Variants in PTPRN2 observed in about 807,000 individuals in gnomAD.
PTPRN2 encodes the protein protein tyrosine phosphatase receptor type N2, also known as receptor-type tyrosine-protein phosphatase N2.
In PTPRN2, 74 loss-of-function variants were observed where a neutral mutation model predicts 118.8. The ratio of observed to expected loss-of-function variants is 0.62; its 90% CI spans 0.52 to 0.76. The LOEUF is 0.76. Ranked by LOEUF, PTPRN2 falls within the 30% of genes least tolerant of loss-of-function variation. The probability of loss-of-function intolerance (pLI) is 0.00; values close to 1 mark genes in which losing one functional copy is unlikely to be tolerated. For synonymous variants in PTPRN2, 641 were observed against 608.0 expected (o/e 1.05, Z -0.80); for missense variants, 1,481 against 1,394.4 (o/e 1.06, Z -0.99).
chr7:157,691,817 G>A (rs1797514401), intron 12 of PTPRN2, among the ~76,000 whole-genome samples: 1 of 152,154 alleles, frequency 6.6e-6, no homozygotes, highest in South Asian at 2.1e-4. Flanking sequence ...CGCAGCGGGC[G>A]AGAAGAGCTA....
intron 14 of PTPRN2, among the ~76,000 whole-genome samples, chr7:157,642,814 CAAAA>C (rs11335302): frequency 7.0e-4 from 17 of 24,216 alleles, no homozygotes; most frequent in Non-Finnish European, 1.2e-3. Context: ...CAAGAAACAG[CAAAA>C]AAAAAAAAAA....
intron 5 of PTPRN2, among the ~76,000 whole-genome samples, chr7:158,182,700 C>T (rs1382607170): frequency 6.6e-6 from 1 of 152,218 alleles, no homozygotes; most frequent in Non-Finnish European, 1.5e-5. Flanking sequence ...ATATGTACCA[C>T]ATTTTCTTCA....
rs186070489 is a variant in PTPRN2, at chr7:158,300,158, A to G, written c.277+16661T>C. ...GAAATGATGATATGGGTCAATGAAG[A>G]AGCAAAGTTTCTTAACTGAAGTCCA... On this transcript the variant is annotated intron_variant, in intron 3 of 22. Transcript: ENST00000389418. Among the ~76,000 whole-genome samples, 23 of 152,302 alleles carry G rather than the reference A, an allele frequency of 1.5e-4. No homozygotes were observed. In the East Asian group the frequency reaches 1.9e-3, roughly 13 times the overall value.
intron 1 of PTPRN2, among the ~76,000 whole-genome samples, chr7:158,553,165 G>A (rs1400192025): frequency 6.7e-6 from 1 of 150,244 alleles, no homozygotes; most frequent in Non-Finnish European, 1.5e-5. Context: ...CACCCTTCCT[G>A]TCTACACACA....
chr7:157,587,864 G>A lies in PTPRN2; in HGVS notation c.2496+7374C>T, dbSNP rs1472255995. On this transcript the variant is annotated intron_variant, in intron 17 of 22. Transcript: ENST00000389418. This position sits in a 1 kb window ranked among gnomAD's most constrained non-coding sequence, Gnocchi z 5.3. The stretch of plus-strand genomic sequence containing the variant: ...TGGCTGTCCCCATGCCTGGGCTCCC[G>A]TGGTGGCTCTCCCCATGCCTGGGTT... 1.3e-5 allele frequency among the ~76,000 whole-genome samples: 2 copies of A among 152,060 alleles called. No individual in the cohort carries two copies. Among genetic ancestry groups the A allele is most frequent in the African/African-American group, 2.4e-5 (1 of 41,398 alleles).
chr7:158,245,188 C>A (rs959315125), intron 3 of PTPRN2, among the ~76,000 whole-genome samples: 4 of 100,276 alleles, frequency 4.0e-5, no homozygotes, highest in African/African-American at 1.2e-4. Flanking sequence ...ATGCCGGAAT[C>A]CGTGGTCATG....
chr7:157,699,514 AACCGCCGAC>A (rs1797965762), intron 12 of PTPRN2, among the ~76,000 whole-genome samples: 1 of 152,140 alleles, frequency 6.6e-6, no homozygotes, highest in Non-Finnish European at 1.5e-5. Context: ...GCTCACTGCC[AACCGCCGAC>A]ACCCAGGTTC....
intron 4 of PTPRN2, among the ~76,000 whole-genome samples, chr7:158,193,250 A>C (rs1357067905): frequency 6.6e-6 from 1 of 152,164 alleles, no homozygotes; most frequent in Non-Finnish European, 1.5e-5. Flanking sequence ...ACGGCTGGCC[A>C]GGGGCCCCAT....
At chr7:158,132,921 G>A (rs950930999) in intron 9 of PTPRN2, among the ~76,000 whole-genome samples, 5 of 152,172 alleles carry the variant, frequency 3.3e-5, no homozygotes, top group Admixed American at 6.5e-5. Context: ...AGGCAGACAC[G>A]TCCTTCTCTT....
intron 2 of PTPRN2, among the ~76,000 whole-genome samples, chr7:158,447,932 C>T (rs929872417): frequency 6.6e-6 from 1 of 152,252 alleles, no homozygotes. Flanking sequence ...AGCCACACGG[C>T]ACAGGGCAAA....
chr7:157,626,550 CCCA>C (rs1803582252), intron 14 of PTPRN2, among the ~76,000 whole-genome samples: 1 of 152,098 alleles, frequency 6.6e-6, no homozygotes, highest in Non-Finnish European at 1.5e-5. Context: ...TAACCCACCC[CCCA>C]CATCAAACAG....
intron 11 of PTPRN2, among the ~76,000 whole-genome samples, chr7:158,004,038 CA>C (rs1805472875): frequency 6.6e-6 from 1 of 152,198 alleles, no homozygotes; most frequent in African/African-American, 2.4e-5. Context: ...CGGATGGGAG[CA>C]GCCCCCATGG....
intron 3 of PTPRN2, among the ~76,000 whole-genome samples, chr7:158,207,928 A>C (rs1827288398): frequency 6.6e-6 from 1 of 152,240 alleles, no homozygotes; most frequent in Non-Finnish European, 1.5e-5. Context: ...CTATCCGATA[A>C]ACTTAACAAT....
At chr7:157,918,849 C>T (rs775640353) in intron 11 of PTPRN2, among the ~76,000 whole-genome samples, 6 of 152,188 alleles carry the variant, frequency 3.9e-5, no homozygotes, top group Admixed American at 1.3e-4. Context: ...GCCTGAGGGA[C>T]GGAAGGGCCT....
At chr7:158,194,807 C>T (rs151016519) in intron 4 of PTPRN2, among the ~76,000 whole-genome samples, 180 of 152,348 alleles carry the variant, frequency 1.2e-3, no homozygotes, top group African/African-American at 4.2e-3. Flanking sequence ...GTATAACTGT[C>T]ACGTTTAACT....
intron 10 of PTPRN2, among the ~76,000 whole-genome samples, chr7:158,100,251 GT>G (rs2150344791): frequency 7.1e-6 from 1 of 140,350 alleles, no homozygotes; most frequent in African/African-American, 2.9e-5. Context: ...TGGGGTGTGT[GT>G]GTGTGTGTGT....
intron 22 of PTPRN2, among the ~76,000 whole-genome samples, chr7:157,544,359 G>A (rs1344406939): frequency 6.6e-6 from 1 of 152,252 alleles, no homozygotes; most frequent in Non-Finnish European, 1.5e-5. Context: ...TCTGGGCAAC[G>A]CCCTGCTTCT....
rs531093578 is a variant in PTPRN2, at chr7:158,526,107, AGAT to A, written c.113-36325_113-36323del. 5.0e-4 allele frequency among the ~76,000 whole-genome samples: 76 copies of A among 152,256 alleles called. No homozygotes were observed. The highest frequency in any genetic ancestry group is 1.0e-3 in the Non-Finnish European group (69 of 68,010). ...GGGACTATCTGCCCAGTCCCTGAGG[AGAT>A]GATGACTTCCTACAGCTTCTGAAAG... On this transcript the variant is annotated intron_variant, in intron 1 of 22. Transcript: ENST00000389418. This position sits in a 1 kb window ranked among gnomAD's most constrained non-coding sequence, Gnocchi z 5.2.
rs879713134 is a variant in PTPRN2 at position 157,558,189 on chromosome 7, G to A, written c.2903-9170C>T. On this transcript the variant is annotated intron_variant, in intron 21 of 22. Transcript: ENST00000389418. ...ACATTGGTGCGACGCGGTGCCCACC[G>A]CAGTTTGCTGCCATCCCACCTACCT... 7.9e-5 allele frequency among the ~76,000 whole-genome samples: 12 copies of A among 152,028 alleles called. 1 individual carries two copies. Among genetic ancestry groups the A allele is most frequent in the South Asian group, 6.2e-4 (3 of 4,826 alleles).
Sources: allele counts gnomAD v4.1 joint callset (sites outside exome capture counted in the v4.1 genomes callset), GRCh38; gene constraint gnomAD v4.1.1; non-coding constraint Gnocchi (gnomAD v3.1); transcripts MANE v1.5; gene names NCBI Gene and HGNC (gene_info 2026-07-23, HGNC 2026-07-21).